The following CSNK1A1 variants were observed in gnomAD, a reference collection of about 807,000 sequenced individuals.
The protein encoded by CSNK1A1 is casein kinase I isoform alpha.
Under a neutral mutation model 46.1 loss-of-function variants are expected in CSNK1A1, and 7 were observed. That is an observed-to-expected ratio of 0.15 (90% CI 0.09 to 0.29). The LOEUF (loss-of-function observed/expected upper bound fraction) is 0.29, where lower values mean the gene tolerates loss of function less well. Ranked by LOEUF, CSNK1A1 falls within the 10% of genes least tolerant of loss-of-function variation. CSNK1A1 has a pLI of 1.00. For missense variants in CSNK1A1, 96 were observed against 417.1 expected, an observed-to-expected ratio of 0.23 and a Z score of 6.71; for synonymous variants, 137 against 141.5, an observed-to-expected ratio of 0.97 and a Z score of 0.23.
At chr5:149,511,934 A>C in intron 5 of CSNK1A1, 62 bp from the exon 6 acceptor site, 2 of 1,270,972 alleles carry the variant, frequency 1.6e-6, no homozygotes, top group South Asian at 2.6e-5. Context: ...ATATGAAAGA[A>C]AGTCAAGTAC....
At chr5:149,547,802 C>T (rs1236457458) in intron 2 of CSNK1A1, among the ~76,000 whole-genome samples, 1 of 151,876 alleles carries the variant, frequency 6.6e-6, no homozygotes, top group Admixed American at 6.6e-5. Context: ...CAACCAATAG[C>T]ACATTTTATC....
At chr5:149,507,532 C>T (rs1054551886) in intron 7 of CSNK1A1, among the ~76,000 whole-genome samples, 8 of 151,942 alleles carry the variant, frequency 5.3e-5, no homozygotes, top group African/African-American at 9.7e-5. Flanking sequence ...GTAATCTCAG[C>T]TTACTGCAAC....
rs1761708910 is a variant in CSNK1A1, at chr5:149,525,720, G to A, written c.231-549C>T. 6.6e-6 allele frequency among the ~76,000 whole-genome samples: 1 copy of A among 152,092 alleles called. No homozygotes were observed. The highest frequency in any genetic ancestry group is 2.4e-5 in the African/African-American group (1 of 41,408). ...TAACACAAGGTAATGACATTTATTT[G>A]CTTTTAACTGGAATCATGTTTTAAT... On this transcript the variant is annotated intron_variant, in intron 2 of 9. Transcript: ENST00000377843. The surrounding 1 kb of genome is among the most constrained non-coding windows in gnomAD (Gnocchi z 4.2).
intron 9 of CSNK1A1, chr5:149,502,044 A>C (rs1760873824): frequency 1.0e-6 from 1 of 982,934 alleles, no homozygotes; most frequent in African/African-American, 1.7e-5. Context: ...AGATCTAAAG[A>C]ATATAAGGAA....
chr5:149,531,883 CTTA>C lies in CSNK1A1; in HGVS notation c.231-6715_231-6713del, dbSNP rs577989711. On this transcript the variant is annotated intron_variant, in intron 2 of 9. Coordinates refer to ENST00000377843, the MANE Select transcript of CSNK1A1 (RefSeq NM_001892.6). ...GGGATATAGTAATATACATACTCTC[CTTA>C]TTATTATTATTTTTTGAGACAGGAT... is the stretch of plus-strand genomic sequence containing the variant. Among the ~76,000 whole-genome samples, 822 of 151,554 alleles carry C rather than the reference CTTA, an allele frequency of 5.4e-3. 5 individuals carry two copies. Among genetic ancestry groups the C allele is most frequent in the Non-Finnish European group, 8.9e-3 (605 of 67,828 alleles).
At chr5:149,497,629 C>A in intron 9 of CSNK1A1, 2 of 985,390 alleles carry the variant, frequency 2.0e-6, no homozygotes, top group Non-Finnish European at 2.4e-6. Flanking sequence ...AGAAAATATG[C>A]CTGTCCCACA....
intron 9 of CSNK1A1, chr5:149,497,837 T>C (rs968954348): frequency 1.0e-5 from 10 of 985,324 alleles, no homozygotes; most frequent in Non-Finnish European, 1.2e-5. Flanking sequence ...CTTTTAGTTC[T>C]TTTTTCTTTT....
intron 4 of CSNK1A1, among the ~76,000 whole-genome samples, chr5:149,518,708 C>T (rs995151184): frequency 1.3e-5 from 2 of 151,966 alleles, no homozygotes; most frequent in African/African-American, 4.8e-5. Flanking sequence ...GAAAAGGAGA[C>T]CTAAACCTCC....
At position 149,513,094 on chromosome 5, in the gene CSNK1A1, T is replaced by C. The variant is rs1185261500; in HGVS notation, c.572A>G (p.Asn191Ser). ...LTGTARYASI[N>S]AHLGIEQSRR... ...CCTCTGCTCAATACCAAGATGTGCA[T>C]TGATGCTAGCATATCGGGCAGTGCC... Residue 191 changes from asparagine to serine, a missense_variant, in exon 5 of 10, where the codon AAT (asparagine) becomes AGT (serine). Physicochemically the swap from Asn to Ser is conservative, Grantham distance 46. Transcript: ENST00000377843. 2 of 1,614,004 alleles carry C rather than the reference T, an allele frequency of 1.2e-6. No homozygotes were observed. The highest frequency in any genetic ancestry group is 1.7e-6 in the Non-Finnish European group (2 of 1,179,980).
Position 149,495,915 on chromosome 5 carries a change from T to C in CSNK1A1, c.*938A>G, listed in dbSNP as rs1461377187. The C allele has an allele frequency of 1.3e-5, 2 of 152,580 alleles. No homozygotes were observed. Among genetic ancestry groups the C allele is most frequent in the Non-Finnish European group, 2.9e-5 (2 of 68,028 alleles). The allele number at this position is 152,580 out of a possible 1,614,324, so 9.5% of individuals were successfully genotyped here. ...TGGCTTGAAGTAGTCTATCAAAAAA[T>C]TGGGGAGATTTTTATTTAATAGTGA... On this transcript the variant is annotated 3_prime_UTR_variant, in exon 10 of 10. Transcript: ENST00000377843.
In CSNK1A1 at chr5:149,495,019, CT is replaced by C. The variant is rs1760613696; in HGVS notation, c.*1833del. 1.3e-5 allele frequency: 2 copies of C among 152,062 alleles called. No homozygotes were observed. The highest frequency in any genetic ancestry group is 4.1e-4 in the South Asian group (2 of 4,832). 9.4% of individuals were successfully genotyped at this position (152,062 alleles called of 1,614,324 possible). On this transcript the variant is annotated 3_prime_UTR_variant, in exon 10 of 10. Coordinates refer to ENST00000377843, the MANE Select transcript of CSNK1A1 (RefSeq NM_001892.6). ...ATAGCTTTATGAGACTGATTTCTGG[CT>C]AAAAGTATCAAAGGGTTTATTAGTC...
At chr5:149,524,789 T>A (rs1761677737) in intron 3 of CSNK1A1, among the ~76,000 whole-genome samples, 1 of 152,208 alleles carries the variant, frequency 6.6e-6, no homozygotes, top group Non-Finnish European at 1.5e-5. Flanking sequence ...AATAACCTGC[T>A]ACATATGACA....
intron 2 of CSNK1A1, among the ~76,000 whole-genome samples, chr5:149,533,431 C>T (rs1327632114): frequency 6.6e-6 from 1 of 151,790 alleles, no homozygotes; most frequent in African/African-American, 2.4e-5. Context: ...TGGCAGAGAC[C>T]CAGGTTAAGG....
At chr5:149,530,350 T>C (rs951349555) in intron 2 of CSNK1A1, among the ~76,000 whole-genome samples, 2 of 152,238 alleles carry the variant, frequency 1.3e-5, no homozygotes, top group Non-Finnish European at 2.9e-5. Flanking sequence ...AGGAAGCATC[T>C]ATTTATCCCT....
chr5:149,502,112 A>T, intron 9 of CSNK1A1: 4 of 981,258 alleles, frequency 4.1e-6, no homozygotes, highest in Non-Finnish European at 4.8e-6. Context: ...CCAGACTTAA[A>T]GAATCTTTAA....
chr5:149,549,477 T>C, intron 2 of CSNK1A1: 1 of 702,542 alleles, frequency 1.4e-6, no homozygotes, highest in Non-Finnish European at 2.6e-6. Flanking sequence ...TGCAGCTTTA[T>C]TCTTGGCTTT....
At chr5:149,498,423 A>C in intron 9 of CSNK1A1, 2 of 985,426 alleles carry the variant, frequency 2.0e-6, no homozygotes, top group South Asian at 9.4e-5. Context: ...CCTTTCTTTT[A>C]AAGGTTGTCA....
At chr5:149,516,909 G>GT (rs997094039) in intron 4 of CSNK1A1, among the ~76,000 whole-genome samples, 3 of 152,070 alleles carry the variant, frequency 2.0e-5, no homozygotes, top group Non-Finnish European at 4.4e-5. Context: ...TACAAAGCAT[G>GT]TTTTTTGTTT....
At chr5:149,508,232 T>C (rs1453886156) in intron 7 of CSNK1A1, among the ~76,000 whole-genome samples, 2 of 152,208 alleles carry the variant, frequency 1.3e-5, no homozygotes, top group South Asian at 2.1e-4. Context: ...TTTTATTGAT[T>C]GCACCGATAT....
Sources: allele counts gnomAD v4.1 joint callset (sites outside exome capture counted in the v4.1 genomes callset), GRCh38; gene constraint gnomAD v4.1.1; non-coding constraint Gnocchi (gnomAD v3.1); transcripts MANE v1.5; gene names NCBI Gene and HGNC (gene_info 2026-07-23, HGNC 2026-07-21).